The following KSR2 variants were observed in gnomAD, a reference collection of about 807,000 sequenced individuals.
KSR2 encodes the protein kinase suppressor of ras 2.
A neutral mutation model predicts 107.8 loss-of-function variants in KSR2; 25 were observed. That is an observed-to-expected ratio of 0.23 (90% CI 0.17 to 0.32). KSR2 has a LOEUF of 0.32. Among genes scored for constraint, KSR2 ranks in the 10% least tolerant of loss-of-function variants. The pLI, the probability that KSR2 is intolerant of heterozygous loss-of-function variation, is 1.00. For missense variants in KSR2, 887 were observed against 1,268.9 expected (o/e 0.70, Z 4.57); for synonymous variants, 480 against 507.0 (o/e 0.95, Z 0.71).
chr12:117,492,940 TAGA>T (rs1267047194), intron 14 of KSR2, among the ~76,000 whole-genome samples: 1 of 152,138 alleles, frequency 6.6e-6, no homozygotes, highest in African/African-American at 2.4e-5. Context: ...CTAGAATCTC[TAGA>T]AGGAGCACAG....
At chr12:117,952,547 G>A (rs1896394940) in intron 1 of KSR2, among the ~76,000 whole-genome samples, 2 of 151,904 alleles carry the variant, frequency 1.3e-5, no homozygotes, top group African/African-American at 4.8e-5. Context: ...GTGGTGGCAT[G>A]TGCCTGTAAT....
intron 3 of KSR2, among the ~76,000 whole-genome samples, chr12:117,807,638 A>G (rs1270124521): frequency 6.6e-6 from 1 of 152,236 alleles, no homozygotes; most frequent in East Asian, 1.9e-4. Context: ...TCACTGACCT[A>G]TAAATGCATC....
intron 5 of KSR2, among the ~76,000 whole-genome samples, chr12:117,612,228 A>G (rs1349706078): frequency 2.0e-5 from 3 of 151,886 alleles, no homozygotes; most frequent in African/African-American, 7.3e-5. Context: ...ACATGGTGAA[A>G]CCTCGTTTCT....
At chr12:117,758,422 G>A (rs987292070) in intron 4 of KSR2, among the ~76,000 whole-genome samples, 2 of 152,056 alleles carry the variant, frequency 1.3e-5, no homozygotes, top group Admixed American at 1.3e-4. Context: ...AGGCTAAGTG[G>A]TCCCACGGCA....
chr12:117,538,121 C>A (rs1876180845), intron 10 of KSR2, among the ~76,000 whole-genome samples: 1 of 151,690 alleles, frequency 6.6e-6, no homozygotes, highest in African/African-American at 2.4e-5. Flanking sequence ...TTCCCTTCAT[C>A]CCCTTCTGAA....
In KSR2 at chr12:117,611,463, C is replaced by CACACACACACACACACACACACACACA. The variant is rs1555221599; in HGVS notation, c.1172-29105_1172-29104insTGTGTGTGTGTGTGTGTGTGTGTGTGT. On this transcript the variant is annotated intron_variant, in intron 5 of 19. Transcript: ENST00000339824. ...ACGCACAGACACACACACACACACA[C>CACACACACACACACACACACACACACA]GTGTATCCACTGCAGATTACCTGCT... Among the ~76,000 whole-genome samples, 91 of 152,110 alleles carry CACACACACACACACACACACACACACA rather than the reference C, an allele frequency of 6.0e-4. 2 individuals carry two copies. In the South Asian group the frequency reaches 0.011, roughly 18 times the overall value.
At chr12:117,797,627 T>TTTATATTATATATTATA (rs370071244) in intron 3 of KSR2, among the ~76,000 whole-genome samples, 17,024 of 148,224 alleles carry the variant, frequency 0.11, 1,336 homozygotes, top group Admixed American at 0.26. Context: ...AACGATTAAT[T>TTTATATTATATATTATA]TTATATTATA....
intron 1 of KSR2, among the ~76,000 whole-genome samples, chr12:117,898,793 C>T (rs1030091501): frequency 3.3e-5 from 5 of 151,740 alleles, no homozygotes; most frequent in African/African-American, 4.8e-5. Context: ...ATGGAGGGAA[C>T]TGGAGATTAT....
chr12:117,793,263 A>C (rs1212050711), intron 3 of KSR2, among the ~76,000 whole-genome samples: 2 of 131,412 alleles, frequency 1.5e-5, no homozygotes, highest in Admixed American at 7.7e-5. Flanking sequence ...CCCTCACACC[A>C]ACATGCACAC....
At chr12:117,469,572 G>C in intron 19 of KSR2, 90 bp downstream of exon 19, 1 of 1,451,212 alleles carries the variant, frequency 6.9e-7, no homozygotes, top group Middle Eastern at 1.8e-4. Flanking sequence ...CTTGTTGGGG[G>C]AGGAGTAAAA....
chr12:117,625,250 G>A (rs1263863612), intron 5 of KSR2, among the ~76,000 whole-genome samples: 1 of 152,134 alleles, frequency 6.6e-6, no homozygotes, highest in African/African-American at 2.4e-5. Flanking sequence ...TTGAATAGAA[G>A]TGGTGAGAGA....
intron 4 of KSR2, among the ~76,000 whole-genome samples, chr12:117,706,082 C>CG (rs1565971446): frequency 7.5e-6 from 1 of 132,858 alleles, no homozygotes; most frequent in African/African-American, 2.9e-5. Flanking sequence ...CCTGCTCTGT[C>CG]GCCCAGGCTG....
At chr12:117,518,330 C>T (rs1037428926) in intron 14 of KSR2, among the ~76,000 whole-genome samples, 1 of 152,078 alleles carries the variant, frequency 6.6e-6, no homozygotes, top group African/African-American at 2.4e-5. Flanking sequence ...CCCTCAATTA[C>T]AAGATGTTTA....
chr12:117,623,284 A>G (rs1882290808), intron 5 of KSR2, among the ~76,000 whole-genome samples: 1 of 152,150 alleles, frequency 6.6e-6, no homozygotes. Flanking sequence ...CACAACATGC[A>G]GGTTTGATAC....
At chr12:117,749,580 A>G (rs758670861) in intron 4 of KSR2, among the ~76,000 whole-genome samples, 28 of 152,166 alleles carry the variant, frequency 1.8e-4, no homozygotes, top group Admixed American at 3.3e-4. Context: ...ACACTTCACC[A>G]CAAAAATTCA....
At chr12:117,834,140 C>CA (rs1303018174) in intron 3 of KSR2, among the ~76,000 whole-genome samples, 20 of 136,332 alleles carry the variant, frequency 1.5e-4, no homozygotes, top group East Asian at 9.1e-4. Flanking sequence ...GACCCTGTCT[C>CA]AAAAAAAATA....
At chr12:117,671,926 GC>G (rs1468514651) in intron 4 of KSR2, among the ~76,000 whole-genome samples, 1 of 152,156 alleles carries the variant, frequency 6.6e-6, no homozygotes, top group African/African-American at 2.4e-5. Context: ...AAGCCTGGGG[GC>G]ATCCCACACA....
intron 14 of KSR2, among the ~76,000 whole-genome samples, chr12:117,506,315 A>G (rs1006624945): frequency 6.6e-6 from 1 of 152,196 alleles, no homozygotes; most frequent in Non-Finnish European, 1.5e-5. Flanking sequence ...GAATTAGACT[A>G]TGGATTTTAT....
intron 1 of KSR2, among the ~76,000 whole-genome samples, chr12:117,950,751 AT>A (rs202174901): frequency 0.022 from 3,122 of 141,870 alleles, 123 homozygotes; most frequent in African/African-American, 0.074. Context: ...AAAAAAAAAA[AT>A]AATAATAATA....
Sources: allele counts gnomAD v4.1 joint callset (sites outside exome capture counted in the v4.1 genomes callset), GRCh38; gene constraint gnomAD v4.1.1; transcripts MANE v1.5; gene names NCBI Gene and HGNC (gene_info 2026-07-23, HGNC 2026-07-21).